ZMAT4: variants seen among roughly 807,000 people sequenced by gnomAD.
ZMAT4 encodes zinc finger matrin-type 4.
In ZMAT4, 17 loss-of-function variants were observed where a neutral mutation model predicts 28.7. The ratio of observed to expected loss-of-function variants is 0.59; its 90% CI spans 0.41 to 0.89. ZMAT4 has a LOEUF of 0.89. ZMAT4 is among the 40% of genes least tolerant of loss of function. The pLI, the probability that ZMAT4 is intolerant of heterozygous loss-of-function variation, is 0.00. For missense variants in ZMAT4, 240 were observed against 283.8 expected (o/e 0.85, Z 1.11); for synonymous variants, 117 against 109.2 (o/e 1.07, Z -0.44).
intron 5 of ZMAT4, among the ~76,000 whole-genome samples, chr8:40,591,489 G>A (rs1201994757): frequency 1.3e-5 from 2 of 152,148 alleles, no homozygotes; most frequent in African/African-American, 4.8e-5. Context: ...CTAAGACAGA[G>A]TCACAGCCTC....
chr8:40,842,668 C>T (rs1816743980), intron 1 of ZMAT4, among the ~76,000 whole-genome samples: 1 of 152,232 alleles, frequency 6.6e-6, no homozygotes, highest in Admixed American at 6.5e-5. Flanking sequence ...CTTCTCATCA[C>T]TTAATTCCAC....
At chr8:40,698,483 C>A (rs187021480) in intron 3 of ZMAT4, among the ~76,000 whole-genome samples, 1 of 152,282 alleles carries the variant, frequency 6.6e-6, no homozygotes, top group Admixed American at 6.5e-5. Flanking sequence ...AGCCGAACAT[C>A]TCTTTGTTAA....
At chr8:40,624,667 T>A (rs1002045989) in intron 5 of ZMAT4, among the ~76,000 whole-genome samples, 1 of 152,202 alleles carries the variant, frequency 6.6e-6, no homozygotes, top group Non-Finnish European at 1.5e-5. Context: ...TCTTCCCAGA[T>A]CTCAGTACAT....
At chr8:40,663,758 C>A (rs1808294800) in intron 5 of ZMAT4, among the ~76,000 whole-genome samples, 1 of 152,148 alleles carries the variant, frequency 6.6e-6, no homozygotes, top group Non-Finnish European at 1.5e-5. Flanking sequence ...TTTTCTCTGG[C>A]ACCTCTTCAC....
At chr8:40,614,993 T>G (rs536078078) in intron 5 of ZMAT4, among the ~76,000 whole-genome samples, 2 of 152,194 alleles carry the variant, frequency 1.3e-5, no homozygotes, top group Admixed American at 1.3e-4. Context: ...TATTTTGCTC[T>G]TTAGTTGATG....
At chr8:40,881,562 G>GAA (rs1563264014) in intron 1 of ZMAT4, among the ~76,000 whole-genome samples, 1 of 98,098 alleles carries the variant, frequency 1.0e-5, no homozygotes, top group Non-Finnish European at 2.1e-5. Context: ...AAGAAAGAAA[G>GAA]AAAGAAAGAA....
At chr8:40,814,022 G>A (rs1341225274) in intron 2 of ZMAT4, among the ~76,000 whole-genome samples, 1 of 152,210 alleles carries the variant, frequency 6.6e-6, no homozygotes, top group African/African-American at 2.4e-5. Flanking sequence ...GGACGGGGTG[G>A]AGAGGAGTCA....
intron 5 of ZMAT4, among the ~76,000 whole-genome samples, chr8:40,612,033 C>A (rs565265045): frequency 2.6e-5 from 4 of 152,256 alleles, no homozygotes; most frequent in African/African-American, 9.6e-5. Flanking sequence ...ATGGGACAAA[C>A]CTGAGACTCC....
At chr8:40,628,931 T>C (rs968377351) in intron 5 of ZMAT4, among the ~76,000 whole-genome samples, 2 of 152,032 alleles carry the variant, frequency 1.3e-5, no homozygotes, top group Admixed American at 1.3e-4. Context: ...GAAATGAAGA[T>C]TGCGTTTCTA....
In ZMAT4 at chr8:40,598,382, G is replaced by A. The variant is rs540850820; in HGVS notation, c.578-17121C>T. ...TTCCCTCACCCCCACCCCCTGACAG[G>A]CCCCAGTGTGTGTTGTTCCCCACCC... On this transcript the variant is annotated intron_variant, in intron 5 of 6. Transcript: ENST00000297737. Among the ~76,000 whole-genome samples the A allele has an allele frequency of 3.3e-5, 5 of 152,118 alleles. No individual in the cohort carries two copies. The South Asian group carries it at 1.0e-3, about 32-fold the overall frequency.
At chr8:40,725,865 G>A (rs1811297274) in intron 3 of ZMAT4, among the ~76,000 whole-genome samples, 1 of 151,572 alleles carries the variant, frequency 6.6e-6, no homozygotes, top group Non-Finnish European at 1.5e-5. Context: ...TGAGAAGTAA[G>A]AGATGGGCTT....
chr8:40,752,498 G>A (rs1354802321), intron 3 of ZMAT4, among the ~76,000 whole-genome samples: 1 of 152,104 alleles, frequency 6.6e-6, no homozygotes, highest in African/African-American at 2.4e-5. Context: ...GGAATAACCT[G>A]GAGAAAGGGT....
rs571600207 is a variant in ZMAT4 at position 40,812,001 on chromosome 8, C to T, written c.102+13574G>A. 9.9e-5 allele frequency among the ~76,000 whole-genome samples: 15 copies of T among 151,970 alleles called. No individual in the cohort carries two copies. The South Asian group carries it at 1.0e-3, about 11-fold the overall frequency. On this transcript the variant is annotated intron_variant, in intron 2 of 6. Coordinates refer to ENST00000297737, the MANE Select transcript of ZMAT4 (RefSeq NM_024645.3). Reference sequence around the variant, plus strand: ...CAAAAATTAGCCAGGCGTGGTGGTGCGCACCTGTAATCCCAGCTACTCAGG... The same window carrying T: ...CAAAAATTAGCCAGGCGTGGTGGTGTGCACCTGTAATCCCAGCTACTCAGG...
chr8:40,814,323 T>C (rs1815447081), intron 2 of ZMAT4, among the ~76,000 whole-genome samples: 1 of 152,206 alleles, frequency 6.6e-6, no homozygotes, highest in African/African-American at 2.4e-5. Context: ...CCTGTTAATA[T>C]CTTTTTGAAA....
intron 6 of ZMAT4, among the ~76,000 whole-genome samples, chr8:40,568,562 A>G (rs1229110188): frequency 6.6e-6 from 1 of 152,150 alleles, no homozygotes; most frequent in Non-Finnish European, 1.5e-5. Context: ...ATTGAGGGTT[A>G]CACCTCAACA....
At chr8:40,682,939 C>A (rs1039623879) in intron 4 of ZMAT4, among the ~76,000 whole-genome samples, 1 of 152,080 alleles carries the variant, frequency 6.6e-6, no homozygotes, top group African/African-American at 2.4e-5. Context: ...GATAAAAGTC[C>A]TTTTATGACT....
At chr8:40,865,498 G>A (rs1586189395) in intron 1 of ZMAT4, among the ~76,000 whole-genome samples, 1 of 152,182 alleles carries the variant, frequency 6.6e-6, no homozygotes, top group Admixed American at 6.5e-5. Flanking sequence ...CCCTATGAGT[G>A]AGCCCAGGCC....
At chr8:40,812,510 T>C (rs1215777877) in intron 2 of ZMAT4, among the ~76,000 whole-genome samples, 1 of 152,158 alleles carries the variant, frequency 6.6e-6, no homozygotes, top group Non-Finnish European at 1.5e-5. Context: ...ACTGTTATAG[T>C]CTAGAGCAGC....
chr8:40,624,139 C>A (rs1250485656), intron 5 of ZMAT4, among the ~76,000 whole-genome samples: 1 of 152,120 alleles, frequency 6.6e-6, no homozygotes, highest in Non-Finnish European at 1.5e-5. Flanking sequence ...AGCCCTAAAC[C>A]CCAATGCTAA....
Sources: allele counts gnomAD v4.1 joint callset (sites outside exome capture counted in the v4.1 genomes callset), GRCh38; gene constraint gnomAD v4.1.1; transcripts MANE v1.5; gene names NCBI Gene and HGNC (gene_info 2026-07-23, HGNC 2026-07-21).